DNAJC2: variants seen among roughly 807,000 people sequenced by gnomAD.
The protein encoded by DNAJC2 is dnaJ homolog subfamily C member 2.
DNAJC2 carries 32 observed loss-of-function variants against 94.0 expected under a neutral mutation model. That is an observed-to-expected ratio of 0.34 (90% CI 0.26 to 0.46). The LOEUF (loss-of-function observed/expected upper bound fraction) is 0.46. DNAJC2 is among the 20% of genes least tolerant of loss of function. The probability of loss-of-function intolerance (pLI) is 1.00; values close to 1 mark genes in which losing one functional copy is unlikely to be tolerated. For synonymous variants in DNAJC2, 210 were observed against 229.7 expected (o/e 0.91, Z 0.77); for missense variants, 550 against 719.5 (o/e 0.76, Z 2.69).
At chr7:103,337,369 A>T (rs1324616929) in intron 3 of DNAJC2, 1 of 151,844 alleles carries the variant, frequency 6.6e-6, no homozygotes, top group Non-Finnish European at 1.4e-5. Context: ...AAAATAACGT[A>T]AAAAAAAAAC....
At chr7:103,329,793 CTG>C (rs527506634) in intron 3 of DNAJC2, among the ~76,000 whole-genome samples, 3 of 152,332 alleles carry the variant, frequency 2.0e-5, no homozygotes, top group South Asian at 4.1e-4. Flanking sequence ...CTTCCAAAAA[CTG>C]TGTAATTTTT....
intron 15 of DNAJC2, chr7:103,313,765 A>ATG (rs1378972935): frequency 1.0e-6 from 1 of 985,064 alleles, no homozygotes; most frequent in East Asian, 1.1e-4. Context: ...AACATCTAAG[A>ATG]TGTGTGTCAG....
intron 12 of DNAJC2, 63 bp from the exon 13 acceptor site, chr7:103,317,077 C>G: frequency 7.0e-7 from 1 of 1,430,680 alleles, no homozygotes; most frequent in Non-Finnish European, 9.6e-7. Context: ...ACACTCTCTT[C>G]CTGGCTAGGG....
At chr7:103,317,652 C>T (rs1343366553) in intron 12 of DNAJC2, among the ~76,000 whole-genome samples, 2 of 151,864 alleles carry the variant, frequency 1.3e-5, no homozygotes, top group Non-Finnish European at 2.9e-5. Context: ...GGTTCTTTTT[C>T]TTTCTTTCTT....
rs1389107043 is a variant in DNAJC2 at position 103,321,923 on chromosome 7, CT to C, written c.1083+8del. ...TACTTGTGCCTAGTGTTTGTTCAGTCTGATATACCTTGCATGAGTTTCGAAG... is the reference window on the plus strand; with the variant it reads ...TACTTGTGCCTAGTGTTTGTTCAGTCGATATACCTTGCATGAGTTTCGAAG... On this transcript the variant is annotated splice_region_variant and intron_variant, in intron 10 of 16. Transcript: ENST00000379263. 4.3e-6 allele frequency: 7 copies of C among 1,611,014 alleles called. No homozygotes were observed. The highest frequency in any genetic ancestry group is 5.9e-6 in the Non-Finnish European group (7 of 1,178,578).
chr7:103,314,116 G>C, intron 15 of DNAJC2: 1 of 985,370 alleles, frequency 1.0e-6, no homozygotes, highest in Non-Finnish European at 1.2e-6. Context: ...TGCCTAAGAA[G>C]CTTTTTTGAA....
intron 1 of DNAJC2, among the ~76,000 whole-genome samples, chr7:103,343,597 T>C (rs1819475730): frequency 6.6e-6 from 1 of 152,144 alleles, no homozygotes; most frequent in African/African-American, 2.4e-5. Flanking sequence ...CCACAGAAAC[T>C]CTCTGAAATT....
At chr7:103,342,454 C>T (rs1339179910) in intron 1 of DNAJC2, among the ~76,000 whole-genome samples, 1 of 151,558 alleles carries the variant, frequency 6.6e-6, no homozygotes, top group Non-Finnish European at 1.5e-5. Context: ...TACAGGCATG[C>T]GCCACCATGC....
At position 103,344,550 on chromosome 7, in the gene DNAJC2, G is replaced by A. The variant is rs756253182; in HGVS notation, c.64+9C>T. 1 of 1,613,708 alleles carries A rather than the reference G, an allele frequency of 6.2e-7. No homozygotes were observed. On this transcript the variant is annotated intron_variant, in intron 1 of 16. Coordinates refer to ENST00000379263, the MANE Select transcript of DNAJC2 (RefSeq NM_014377.3). ...GGTGAGAAGGAACCGAGGTTGGGTGGGCACTTACCAGAGGTCAGAGCGTGG... is the reference window on the plus strand; with the variant it reads ...GGTGAGAAGGAACCGAGGTTGGGTGAGCACTTACCAGAGGTCAGAGCGTGG...
rs965090065 is a variant in DNAJC2 at position 103,337,816 on chromosome 7, A to G, written c.256-5T>C. On this transcript the variant is annotated splice_polypyrimidine_tract_variant and splice_region_variant and intron_variant, in intron 2 of 16. Coordinates refer to ENST00000379263, the MANE Select transcript of DNAJC2 (RefSeq NM_014377.3). Reference sequence around the variant, plus strand: ...AACTGCATAATGATCTTGGTTCTGGAAAAAAAACACAAAAGGGAGTCAAAT... The same window carrying G: ...AACTGCATAATGATCTTGGTTCTGGGAAAAAAACACAAAAGGGAGTCAAAT... 8 of 1,608,548 alleles carry G rather than the reference A, an allele frequency of 5.0e-6. No individual in the cohort carries two copies. Among genetic ancestry groups the G allele is most frequent in the African/African-American group, 2.7e-5 (2 of 74,652 alleles).
intron 2 of DNAJC2, among the ~76,000 whole-genome samples, chr7:103,338,510 T>G (rs960764010): frequency 6.6e-6 from 1 of 151,280 alleles, no homozygotes; most frequent in Non-Finnish European, 1.5e-5. Context: ...TTGGTCAGGC[T>G]GGTCTCGAAC....
In DNAJC2 at chr7:103,322,086, A is replaced by T. The variant is rs749082545; in HGVS notation, c.934-5T>A. The T allele has an allele frequency of 6.3e-6, 10 of 1,589,300 alleles. No homozygotes were observed. The highest frequency in any genetic ancestry group is 8.6e-6 in the Non-Finnish European group (10 of 1,168,214). ...TTCTAATTCAGCTTGTCTTTGCTTT[A>T]AAAAAAGGGAGTAAAATCATTTTAA... On this transcript the variant is annotated splice_polypyrimidine_tract_variant and splice_region_variant and intron_variant, in intron 9 of 16. Coordinates refer to ENST00000379263, the MANE Select transcript of DNAJC2 (RefSeq NM_014377.3).
rs1818491139 is a variant in DNAJC2, at chr7:103,322,774, A to G, written c.740T>C (p.Ile247Thr). The G allele has an allele frequency of 6.2e-7, 1 of 1,606,226 alleles. No homozygotes were observed. The highest frequency in any genetic ancestry group is 1.3e-5 in the African/African-American group (1 of 74,982). Residue 247 changes from isoleucine (I) to threonine (T), a missense_variant, in exon 8 of 17, where the codon ATT (isoleucine) becomes ACT (threonine). By Grantham distance (89) the Ile-to-Thr change is moderately conservative. Transcript: ENST00000379263. The part of the protein sequence containing the change: ...KAECRDERRW[I>T]EKQNRATRAQ... ...TCTTGTTGCTCTGTTCTGCTTTTCA[A>G]TCCATCTCCTCTCATCACGACTATA...
intron 2 of DNAJC2, among the ~76,000 whole-genome samples, chr7:103,339,455 C>G (rs2116046875): frequency 6.6e-6 from 1 of 152,316 alleles, no homozygotes; most frequent in Admixed American, 6.5e-5. Flanking sequence ...TTCTTTACTA[C>G]CCAGCTTTGA....
At chr7:103,315,649 A>G in intron 15 of DNAJC2, 115 bp downstream of exon 15, 1 of 614,236 alleles carries the variant, frequency 1.6e-6, no homozygotes, top group East Asian at 2.9e-5. Context: ...TACAGCTTCC[A>G]GTCTGCTAAA....
At chr7:103,337,078 GA>G (rs1819202637) in intron 3 of DNAJC2, 1 of 152,180 alleles carries the variant, frequency 6.6e-6, no homozygotes, top group Admixed American at 6.6e-5. Flanking sequence ...TCCTAAGATA[GA>G]AAACTGATCA....
intron 4 of DNAJC2, 52 bp downstream of exon 4, chr7:103,327,600 CAATT>C: frequency 8.6e-7 from 1 of 1,158,864 alleles, no homozygotes. Context: ...CCAATCCCAG[CAATT>C]AATAAATAAC....
intron 3 of DNAJC2, chr7:103,329,203 T>G: frequency 3.5e-6 from 1 of 286,586 alleles, no homozygotes; most frequent in Non-Finnish European, 6.7e-6. Context: ...TACATAGCAG[T>G]TGACATGTGC....
In DNAJC2 at chr7:103,316,890, T is replaced by G; in HGVS notation, c.1367A>C (p.Glu456Ala). ...TTTAATTAGTAATTGTAGATCATCTTCTGACCAATTTTTACTTCCATTTCC... is the reference window on the plus strand; with the variant it reads ...TTTAATTAGTAATTGTAGATCATCTGCTGACCAATTTTTACTTCCATTTCC... ...GGGNGSKNWS[E>A]DDLQLLIKAV... Residue 456 changes from glutamate (E) to alanine (A), a missense_variant, in exon 13 of 17, where the codon GAA becomes GCA. Physicochemically the swap from Glu to Ala is moderately radical, Grantham distance 107 (BLOSUM62 -1). This residue lies in a region of DNAJC2 where 271 missense variants were observed against 302.6 expected (regional missense o/e 0.90). Coordinates refer to ENST00000379263, the MANE Select transcript of DNAJC2 (RefSeq NM_014377.3). 1 of 1,614,054 alleles carries G rather than the reference T, an allele frequency of 6.2e-7. No homozygotes were observed. Among genetic ancestry groups the G allele is most frequent in the Non-Finnish European group, 8.5e-7 (1 of 1,180,008 alleles).
Sources: allele counts gnomAD v4.1 joint callset (sites outside exome capture counted in the v4.1 genomes callset), GRCh38; gene constraint gnomAD v4.1.1; regional missense constraint gnomAD v4.1.1; transcripts MANE v1.5; gene names NCBI Gene and HGNC (gene_info 2026-07-23, HGNC 2026-07-21).